Variants in XIRP2 observed in about 807,000 individuals in gnomAD.
XIRP2 encodes xin actin binding repeat containing 2.
Under a neutral mutation model 277.0 loss-of-function variants are expected in XIRP2, and 236 were observed. That is an observed-to-expected ratio of 0.85 (90% CI 0.77 to 0.95). The LOEUF is 0.95. Among genes scored for constraint, XIRP2 ranks in the 40% least tolerant of loss-of-function variants. XIRP2 has a pLI of 0.00. For synonymous variants in XIRP2, 1,490 were observed against 1,416.5 expected (o/e 1.05, Z -1.17); for missense variants, 4,640 against 4,157.5 (o/e 1.12, Z -3.19).
At chr2:167,167,212 T>C (rs1479961215) in intron 3 of XIRP2, among the ~76,000 whole-genome samples, 1 of 152,194 alleles carries the variant, frequency 6.6e-6, no homozygotes, top group Non-Finnish European at 1.5e-5. Context: ...ACTTTTATTC[T>C]ATATATCTCT....
intron 2 of XIRP2, among the ~76,000 whole-genome samples, chr2:166,946,361 AT>A (rs1558926244): frequency 6.6e-6 from 1 of 152,126 alleles, no homozygotes; most frequent in Admixed American, 6.5e-5. Context: ...CAAACTATCC[AT>A]TTGCTTGTCC....
In XIRP2 at chr2:167,246,953, A is replaced by G. The variant is rs755910561; in HGVS notation, c.5561A>G (p.Gln1854Arg). The stretch of plus-strand genomic sequence containing the variant: ...AATTCCCTCAGCCAGGCTGTAAATC[A>G]GAAAACAGTGACGAAAACAGAAGAA... Reference protein sequence around the residue: ...TLNSLSQAVNQKTVTKTEEII... With the variant: ...TLNSLSQAVNRKTVTKTEEII... The change falls in exon 9 of 11, where the codon CAG becomes CGG. Residue 1854 changes from glutamine (Q) to arginine (R), a missense_variant. Physicochemically the swap from Gln to Arg is conservative, Grantham distance 43. Coordinates refer to ENST00000409195, the MANE Select transcript of XIRP2 (RefSeq NM_152381.6). 6.2e-7 allele frequency: 1 copy of G among 1,613,588 alleles called. No homozygotes were observed.
Position 167,090,984 on chromosome 2 carries a change from A to T in XIRP2, c.409-44925A>T, listed in dbSNP as rs1690129046. Among the ~76,000 whole-genome samples the T allele has an allele frequency of 2.0e-5, 3 of 152,144 alleles. No homozygotes were observed. In the South Asian group the frequency reaches 6.2e-4, roughly 32 times the overall value. ...TCAAAGCACAACAATATCTTGCCAG[A>T]TAAAGAATGATATCTTCAATATACA... On this transcript the variant is annotated intron_variant, in intron 2 of 10. Coordinates refer to ENST00000409195, the MANE Select transcript of XIRP2 (RefSeq NM_152381.6).
intron 3 of XIRP2, among the ~76,000 whole-genome samples, chr2:167,198,019 T>C (rs775802612): frequency 2.0e-4 from 31 of 152,228 alleles, no homozygotes; most frequent in Non-Finnish European, 3.4e-4. Context: ...GGTACATTTA[T>C]AGCATTAGGT....
Position 167,257,917 on chromosome 2 carries a change from T to G in XIRP2, c.*100T>G, listed in dbSNP as rs1428337723. On this transcript the variant is annotated 3_prime_UTR_variant, in exon 11 of 11. Transcript: ENST00000409195. ...ACTGTAAACCTCACTTTAAACAACT[T>G]TTCAAATCCAAAGGAAATTATGATG... The G allele has an allele frequency of 6.2e-7, 1 of 1,611,492 alleles. No individual in the cohort carries two copies. The highest frequency in any genetic ancestry group is 1.3e-5 in the African/African-American group (1 of 74,702).
At chr2:167,113,279 T>C (rs1476365530) in intron 2 of XIRP2, among the ~76,000 whole-genome samples, 1 of 152,190 alleles carries the variant, frequency 6.6e-6, no homozygotes, top group Non-Finnish European at 1.5e-5. Flanking sequence ...TGTGTGGGAA[T>C]CTAAATCTCT....
At chr2:166,958,655 G>T (rs997321228) in intron 2 of XIRP2, among the ~76,000 whole-genome samples, 10 of 151,718 alleles carry the variant, frequency 6.6e-5, no homozygotes, top group Non-Finnish European at 1.3e-4. Context: ...TTCTTAAAAA[G>T]ATGCCAGGGA....
chr2:167,141,796 G>T (rs374262884), intron 3 of XIRP2, among the ~76,000 whole-genome samples: 1 of 152,120 alleles, frequency 6.6e-6, no homozygotes, highest in Non-Finnish European at 1.5e-5. Flanking sequence ...TGGAGTTCAA[G>T]GTTACAGTTA....
chr2:167,031,731 G>A (rs1688354686), intron 2 of XIRP2, among the ~76,000 whole-genome samples: 1 of 152,008 alleles, frequency 6.6e-6, no homozygotes, highest in Non-Finnish European at 1.5e-5. Context: ...AAATACCTAG[G>A]AGTATAACTT....
At chr2:167,170,995 G>T (rs1692674562) in intron 3 of XIRP2, among the ~76,000 whole-genome samples, 1 of 149,978 alleles carries the variant, frequency 6.7e-6, no homozygotes, top group Admixed American at 6.6e-5. Context: ...CGCCTCCAGG[G>T]TTCAAGTGAT....
intron 2 of XIRP2, among the ~76,000 whole-genome samples, chr2:167,108,985 C>T (rs536589033): frequency 4.6e-5 from 7 of 151,832 alleles, no homozygotes; most frequent in Non-Finnish European, 1.0e-4. Context: ...AAACTTGGTA[C>T]CCAATAGGTA....
At position 166,903,486 on chromosome 2, in the gene XIRP2, T is replaced by C. The variant is rs2105336380; in HGVS notation, c.4T>C (p.Phe2Leu). M[F>L]PMQKGSLNLL... ...GCAGGACAACCTGGACCCATCCATG[T>C]TCCCAATGCAGAAGGGCTCCCTCAA... is the stretch of plus-strand genomic sequence containing the variant. The change falls in exon 2 of 11, where the codon TTC (phenylalanine) becomes CTC (leucine). Residue 2 changes from phenylalanine (F) to leucine (L), a missense_variant. Physicochemically the swap from Phe to Leu is conservative, Grantham distance 22 (BLOSUM62 0). Coordinates refer to ENST00000409195, the MANE Select transcript of XIRP2 (RefSeq NM_152381.6). 6.2e-7 allele frequency: 1 copy of C among 1,611,282 alleles called. No individual in the cohort carries two copies. The highest frequency in any genetic ancestry group is 1.3e-5 in the African/African-American group (1 of 74,932).
At chr2:167,235,601 A>T (rs746613523) in intron 5 of XIRP2, among the ~76,000 whole-genome samples, 1 of 151,928 alleles carries the variant, frequency 6.6e-6, no homozygotes, top group African/African-American at 2.4e-5. Context: ...TGACTATGAA[A>T]TGTGATAGGT....
At chr2:167,208,975 T>C (rs952655654) in intron 3 of XIRP2, among the ~76,000 whole-genome samples, 2 of 152,314 alleles carry the variant, frequency 1.3e-5, no homozygotes, top group African/African-American at 4.8e-5. Context: ...TAAAGAGCTT[T>C]TCCTCAGCAT....
At position 167,244,274 on chromosome 2, in the gene XIRP2, A is replaced by G. The variant is rs1202336466; in HGVS notation, c.2882A>G (p.Asp961Gly). 6.2e-7 allele frequency: 1 copy of G among 1,613,820 alleles called. No homozygotes were observed. Among genetic ancestry groups the G allele is most frequent in the African/African-American group, 1.3e-5 (1 of 75,048 alleles). The change falls in exon 9 of 11, where the codon GAT becomes GGT. Residue 961 changes from aspartate to glycine, a missense_variant. Asp to Gly is a moderately conservative substitution (Grantham distance 94). Coordinates refer to ENST00000409195, the MANE Select transcript of XIRP2 (RefSeq NM_152381.6). ...GAATCAAACAATTTAATTAAATTTGATGCATCACATAAAATAGAGGTGGAA... is the reference window on the plus strand; with the variant it reads ...GAATCAAACAATTTAATTAAATTTGGTGCATCACATAAAATAGAGGTGGAA... ...IFESNNLIKF[D>G]ASHKIEVEGV... is the part of the protein sequence containing the mutation.
intron 2 of XIRP2, among the ~76,000 whole-genome samples, chr2:166,984,559 T>A (rs1686953285): frequency 6.6e-6 from 1 of 152,128 alleles, no homozygotes; most frequent in African/African-American, 2.4e-5. Flanking sequence ...CAGGAAAAAG[T>A]ATATTTTTAT....
At chr2:167,078,885 CCAA>C (rs1689654275) in intron 2 of XIRP2, among the ~76,000 whole-genome samples, 1 of 150,980 alleles carries the variant, frequency 6.6e-6, no homozygotes, top group Non-Finnish European at 1.5e-5. Flanking sequence ...GACTTTTGCA[CCAA>C]CAATATATTG....
At position 167,157,191 on chromosome 2, in the gene XIRP2, G is replaced by C. The variant is rs905130502; in HGVS notation, c.562+21129G>C. On this transcript the variant is annotated intron_variant, in intron 3 of 10. Coordinates refer to ENST00000409195, the MANE Select transcript of XIRP2 (RefSeq NM_152381.6). ...TGACATTCAAATGAAGTTCTTGAAAGAAGTGTTTGTCATGAGAGAGCTCAG... is the reference window on the plus strand; with the variant it reads ...TGACATTCAAATGAAGTTCTTGAAACAAGTGTTTGTCATGAGAGAGCTCAG... Among the ~76,000 whole-genome samples, 4 of 152,152 alleles carry C rather than the reference G, an allele frequency of 2.6e-5. No individual in the cohort carries two copies. The South Asian group carries it at 8.3e-4, about 32-fold the overall frequency.
intron 3 of XIRP2, among the ~76,000 whole-genome samples, chr2:167,201,008 C>T (rs922684918): frequency 3.3e-5 from 5 of 151,756 alleles, no homozygotes; most frequent in African/African-American, 1.2e-4. Flanking sequence ...TGCCTGTAAT[C>T]CCAGCTACTA....
Sources: gnomAD v4.1 joint callset for allele counts (sites outside exome capture counted in the v4.1 genomes callset) on GRCh38, gnomAD v4.1.1 for gene constraint, MANE v1.5 for transcripts, NCBI Gene and HGNC (gene_info 2026-07-23, HGNC 2026-07-21) for gene names.